CHCHD5: variants seen among roughly 807,000 people sequenced by gnomAD.
The protein encoded by CHCHD5 is coiled-coil-helix-coiled-coil-helix domain containing 5.
Under a neutral mutation model 16.0 loss-of-function variants are expected in CHCHD5, and 10 were observed. That is an observed-to-expected ratio of 0.63 (90% CI 0.39 to 1.06). The LOEUF (loss-of-function observed/expected upper bound fraction) is 1.06. Among genes scored for constraint, CHCHD5 ranks in the 50% least tolerant of loss-of-function variants. The pLI is 0.01. For missense variants in CHCHD5, 163 were observed against 153.4 expected, an observed-to-expected ratio of 1.06 and a Z score of -0.33; for synonymous variants, 55 against 56.3, an observed-to-expected ratio of 0.98 and a Z score of 0.10.
At chr2:112,584,691 C>G (rs1685151153) in intron 1 of CHCHD5, 42 bp downstream of exon 1, 2 of 1,612,704 alleles carry the variant, frequency 1.2e-6, no homozygotes, top group Middle Eastern at 1.7e-4. Flanking sequence ...CTGCCGCTCC[C>G]CTTCTTTTAC....
Position 112,586,306 on chromosome 2 carries a change from C to T in CHCHD5, c.250C>T (p.Arg84Cys), listed in dbSNP as rs952520714. ...AAVGNCAEHMRRFLQCAEQVQ... is the reference protein window; with the variant it reads ...AAVGNCAEHMCRFLQCAEQVQ... ...TGTGGGCAACTGTGCAGAGCATATG[C>T]GCCGCTTCCTGCAGTGCGCTGAGCA... is the stretch of plus-strand genomic sequence containing the variant. The change falls in exon 3 of 4, where the codon CGC becomes TGC. Residue 84 changes from arginine (R) to cysteine (C), a missense_variant. Physicochemically the swap from Arg to Cys is radical, Grantham distance 180 (BLOSUM62 -3). Transcript: ENST00000324913. 16 of 1,614,136 alleles carry T rather than the reference C, an allele frequency of 9.9e-6. No homozygotes were observed. The highest frequency in any genetic ancestry group is 6.7e-5 in the East Asian group (3 of 44,902).
chr2:112,586,634 A>T (rs993741915), intron 3 of CHCHD5: 1 of 1,463,566 alleles, frequency 6.8e-7, no homozygotes, highest in African/African-American at 1.4e-5. Flanking sequence ...TGCCTCCATA[A>T]AGCGGCCTGG....
At chr2:112,585,179 T>A (rs551047032) in intron 1 of CHCHD5, among the ~76,000 whole-genome samples, 1 of 152,082 alleles carries the variant, frequency 6.6e-6, no homozygotes, top group Admixed American at 6.5e-5. Context: ...GGACCTTGAG[T>A]CCCGCACCAG....
At chr2:112,584,608 C>T, upstream of CHCHD5, 2 of 1,611,794 alleles carry the variant, frequency 1.2e-6, no homozygotes, top group Non-Finnish European at 1.7e-6. Context: ...AAAGGCGGGT[C>T]GTTCCCCCCG....
chr2:112,585,963 C>G lies in CHCHD5; in HGVS notation c.3-11C>G. 6.2e-7 allele frequency: 1 copy of G among 1,612,508 alleles called. No homozygotes were observed. Among genetic ancestry groups the G allele is most frequent in the Non-Finnish European group, 8.5e-7 (1 of 1,178,774 alleles). On this transcript the variant is annotated splice_polypyrimidine_tract_variant and intron_variant, in intron 1 of 3. Coordinates refer to ENST00000324913, the MANE Select transcript of CHCHD5 (RefSeq NM_032309.4). ...TGCCTGGAATGATCCTCAGCCCATC[C>G]TGTCCCACAGGCAGGCGGCCCTAGA... is the stretch of plus-strand genomic sequence containing the variant.
intron 1 of CHCHD5, among the ~76,000 whole-genome samples, chr2:112,585,690 G>A (rs1384408765): frequency 3.9e-5 from 6 of 152,160 alleles, no homozygotes; most frequent in African/African-American, 1.4e-4. Context: ...CTTGAGCCCA[G>A]GGGTTCAATA....
At chr2:112,587,069 TC>T (rs1379224603) in intron 3 of CHCHD5, 1 of 155,000 alleles carries the variant, frequency 6.5e-6, no homozygotes, top group Non-Finnish European at 1.4e-5. Context: ...GTCACATCTT[TC>T]CCCAGCCCCT....
At chr2:112,586,690 A>G in intron 3 of CHCHD5, 1 of 1,220,508 alleles carries the variant, frequency 8.2e-7, no homozygotes, top group South Asian at 1.6e-5. Context: ...ACCTATGCTT[A>G]AAGCTCTCCA....
At chr2:112,584,557 A>G, upstream of CHCHD5, 3 of 1,572,668 alleles carry the variant, frequency 1.9e-6, no homozygotes, top group Non-Finnish European at 2.6e-6. Flanking sequence ...ACCGGAAAAA[A>G]CCAGGCTGGG....
At chr2:112,587,061 C>T (rs1685247806) in intron 3 of CHCHD5, 1 of 153,700 alleles carries the variant, frequency 6.5e-6, no homozygotes. Context: ...AGGTGAAAGT[C>T]ACATCTTTCC....
rs765150422 is a variant in CHCHD5, at chr2:112,588,878, C to G, written c.322C>G (p.Pro108Ala). Residue 108 changes from proline to alanine, a missense_variant, in exon 4 of 4, where the codon CCT becomes GCT. By Grantham distance (27) the Pro-to-Ala change is conservative. Coordinates refer to ENST00000324913, the MANE Select transcript of CHCHD5 (RefSeq NM_032309.4). ...ACTTTCTCCACAGGCACAGCCACTT[C>G]CTGCCTCCTGAGGACTCCTCTGACG... ...SPATVEAQPL[P>A]AS The G allele has an allele frequency of 3.1e-6, 5 of 1,611,882 alleles. No homozygotes were observed. Among genetic ancestry groups the G allele is most frequent in the Non-Finnish European group, 4.2e-6 (5 of 1,178,318 alleles).
rs1341134454 is a variant in CHCHD5 at position 112,588,988 on chromosome 2, C to T, written c.*99C>T. 4.7e-6 allele frequency: 4 copies of T among 859,096 alleles called. No individual in the cohort carries two copies. The East Asian group carries it at 7.6e-5, about 16-fold the overall frequency. The allele number at this position is 859,096 out of a possible 1,614,324, so 53.2% of individuals were successfully genotyped here. ...GGAGTCCTGAGCCCTGGACATGGGC[C>T]CGGCTTTCCTGGATATCAGGACTTC... On this transcript the variant is annotated 3_prime_UTR_variant, in exon 4 of 4. Transcript: ENST00000324913.
intron 3 of CHCHD5, chr2:112,588,650 T>C: frequency 1.8e-6 from 1 of 552,554 alleles, no homozygotes; most frequent in South Asian, 2.3e-5. Context: ...ACACGGCAGG[T>C]GCTCAGTAAA....
chr2:112,584,904 C>T lies in CHCHD5; in HGVS notation c.2+255C>T, dbSNP rs1408145836. On this transcript the variant is annotated intron_variant, in intron 1 of 3. Coordinates refer to ENST00000324913, the MANE Select transcript of CHCHD5 (RefSeq NM_032309.4). ...CCAGTCACTCTTCACCCAATCTCTG[C>T]CCCCAGTACCCCAGGTCCGGCCTTC... 3.0e-5 allele frequency: 17 copies of T among 561,902 alleles called. No homozygotes were observed. In the East Asian group the frequency reaches 3.1e-4, roughly 10 times the overall value. 34.8% of individuals were successfully genotyped at this position (561,902 alleles called of 1,614,324 possible).
rs185139710 is a variant in CHCHD5 at position 112,584,629 on chromosome 2, C to A, written c.-19C>A. On this transcript the variant is annotated 5_prime_UTR_variant, in exon 1 of 4. Transcript: ENST00000324913. Reference sequence around the variant, plus strand: ...GGGTCGTTCCCCCCGGACAGCCCTACGCCGGCAAAGGTCTCGAGATGTGAG... The same window carrying A: ...GGGTCGTTCCCCCCGGACAGCCCTAAGCCGGCAAAGGTCTCGAGATGTGAG... 121 of 1,611,850 alleles carry A rather than the reference C, an allele frequency of 7.5e-5. No individual in the cohort carries two copies. The South Asian group carries it at 1.1e-3, about 15-fold the overall frequency.
chr2:112,584,984 C>T (rs1685164267), intron 1 of CHCHD5: 3 of 417,860 alleles, frequency 7.2e-6, no homozygotes, highest in Admixed American at 3.7e-5. Context: ...ACTCCTACAC[C>T]CATCCTCAGA....
intron 1 of CHCHD5, chr2:112,585,064 G>T (rs1043334505): frequency 1.4e-5 from 3 of 214,972 alleles, no homozygotes; most frequent in Non-Finnish European, 2.9e-5. Flanking sequence ...TGGGACCCCA[G>T]TCCTCACCTA....
chr2:112,588,228 TG>T (rs1156448223), intron 3 of CHCHD5: 1 of 150,740 alleles, frequency 6.6e-6, no homozygotes, highest in Non-Finnish European at 1.5e-5. Context: ...AGGCAGAGGT[TG>T]CAGTGAGCCA....
chr2:112,585,321 G>C (rs1364664006), intron 1 of CHCHD5, among the ~76,000 whole-genome samples: 1 of 152,210 alleles, frequency 6.6e-6, no homozygotes, highest in Non-Finnish European at 1.5e-5. Flanking sequence ...GCTCTCCCTG[G>C]AATTCTAGAT....
Sources: gnomAD v4.1 joint callset for allele counts (sites outside exome capture counted in the v4.1 genomes callset) on GRCh38, gnomAD v4.1.1 for gene constraint, MANE v1.5 for transcripts, NCBI Gene and HGNC (gene_info 2026-07-23, HGNC 2026-07-21) for gene names.